MAPKAP1: variants seen among roughly 807,000 people sequenced by gnomAD.
MAPKAP1 encodes the protein target of rapamycin complex 2 subunit MAPKAP1.
In MAPKAP1, 20 loss-of-function variants were observed where a neutral mutation model predicts 65.7. That is an observed-to-expected ratio of 0.30 (90% CI 0.21 to 0.44). MAPKAP1 has a LOEUF of 0.44. MAPKAP1 is among the 20% of genes least tolerant of loss of function. The pLI, the probability that MAPKAP1 is intolerant of heterozygous loss-of-function variation, is 1.00. For missense variants in MAPKAP1, 423 were observed against 648.0 expected (o/e 0.65, Z 3.77); for synonymous variants, 222 against 244.3 (o/e 0.91, Z 0.85).
In MAPKAP1 at chr9:125,632,851, A is replaced by G. The variant is rs142615966; in HGVS notation, c.498+24800T>C. On this transcript the variant is annotated intron_variant, in intron 4 of 11. Transcript: ENST00000265960. Reference sequence around the variant, plus strand: ...CAGGTGCAAAGTCCACCTGACCACAATGTGACTGGAGAATATCTCCAGCTT... The same window carrying G: ...CAGGTGCAAAGTCCACCTGACCACAGTGTGACTGGAGAATATCTCCAGCTT... Among the ~76,000 whole-genome samples the G allele has an allele frequency of 3.2e-3, 487 of 152,332 alleles. 1 individual carries two copies. The highest frequency in any genetic ancestry group is 0.011 in the African/African-American group (464 of 41,568).
At position 125,625,436 on chromosome 9, in the gene MAPKAP1, C is replaced by T. The variant is rs969079890; in HGVS notation, c.498+32215G>A. On this transcript the variant is annotated intron_variant, in intron 4 of 11. Transcript: ENST00000265960. ...CAAAAAACAAAAAAACAAAACAAAA[C>T]AAACCAACCCTGCAGAGCAGCAGCT... 3.3e-5 allele frequency among the ~76,000 whole-genome samples: 5 copies of T among 152,022 alleles called. No individual in the cohort carries two copies. In the South Asian group the frequency reaches 6.2e-4, roughly 19 times the overall value.
intron 6 of MAPKAP1, among the ~76,000 whole-genome samples, chr9:125,550,781 A>G (rs1310592636): frequency 1.3e-5 from 2 of 152,256 alleles, no homozygotes; most frequent in Non-Finnish European, 2.9e-5. Flanking sequence ...ACACGAGGAC[A>G]ATCTGGACAA....
At chr9:125,552,270 GAAC>G (rs1446873699) in intron 6 of MAPKAP1, among the ~76,000 whole-genome samples, 7 of 152,148 alleles carry the variant, frequency 4.6e-5, no homozygotes, top group Non-Finnish European at 1.0e-4. Context: ...CTCCTTCCCT[GAAC>G]AACAACTCTA....
chr9:125,600,785 TAA>T (rs1347214239), intron 4 of MAPKAP1, among the ~76,000 whole-genome samples: 2 of 152,172 alleles, frequency 1.3e-5, no homozygotes, highest in Non-Finnish European at 2.9e-5. Context: ...TTCAAGCATG[TAA>T]AATGTCCACT....
intron 4 of MAPKAP1, among the ~76,000 whole-genome samples, chr9:125,607,640 G>A (rs1832477212): frequency 8.1e-6 from 1 of 123,124 alleles, no homozygotes; most frequent in African/African-American, 2.7e-5. Flanking sequence ...CGCTTACTTT[G>A]CTTTTATTTT....
Position 125,589,651 on chromosome 9 carries a change from G to A in MAPKAP1, c.499-3924C>T, listed in dbSNP as rs1327904515. Among the ~76,000 whole-genome samples the A allele has an allele frequency of 3.9e-5, 6 of 152,122 alleles. No homozygotes were observed. In the South Asian group the frequency reaches 1.2e-3, roughly 32 times the overall value. On this transcript the variant is annotated intron_variant, in intron 4 of 11. Coordinates refer to ENST00000265960, the MANE Select transcript of MAPKAP1 (RefSeq NM_001006617.3). Reference sequence around the variant, plus strand: ...CTGAGGTGAAAAAGGTCAGTACAGGGAAAGGAAATTATAAAGTCAGTTTAA... The same window carrying A: ...CTGAGGTGAAAAAGGTCAGTACAGGAAAAGGAAATTATAAAGTCAGTTTAA...
At chr9:125,563,923 G>T (rs745742200) in intron 5 of MAPKAP1, among the ~76,000 whole-genome samples, 14 of 152,304 alleles carry the variant, frequency 9.2e-5, no homozygotes, top group Non-Finnish European at 1.9e-4. Flanking sequence ...ATGTTGGCCA[G>T]GCTGGTCTCG....
At chr9:125,448,767 G>A (rs947519594) in intron 10 of MAPKAP1, among the ~76,000 whole-genome samples, 2 of 152,172 alleles carry the variant, frequency 1.3e-5, no homozygotes, top group Admixed American at 6.5e-5. Flanking sequence ...CACTTTGGGA[G>A]GCCAAGGTGG....
chr9:125,557,136 C>A (rs1830759133), intron 6 of MAPKAP1, among the ~76,000 whole-genome samples: 1 of 152,172 alleles, frequency 6.6e-6, no homozygotes, highest in African/African-American at 2.4e-5. Context: ...TTACTCTCTG[C>A]CTTCCCCCTC....
intron 7 of MAPKAP1, among the ~76,000 whole-genome samples, chr9:125,519,094 C>G (rs1267071237): frequency 2.0e-5 from 3 of 152,140 alleles, no homozygotes; most frequent in Admixed American, 2.0e-4. Context: ...AAGACTGTGG[C>G]CCCTGGAACC....
chr9:125,541,570 A>G (rs1830249126), intron 7 of MAPKAP1, among the ~76,000 whole-genome samples: 1 of 152,232 alleles, frequency 6.6e-6, no homozygotes, highest in South Asian at 2.1e-4. Context: ...TTTAAAAGCT[A>G]TTAGATTGGC....
intron 6 of MAPKAP1, among the ~76,000 whole-genome samples, chr9:125,547,332 G>A (rs937872650): frequency 2.0e-5 from 3 of 152,160 alleles, no homozygotes. Flanking sequence ...CAAGTTGGAA[G>A]GCAGCATACT....
intron 10 of MAPKAP1, among the ~76,000 whole-genome samples, chr9:125,459,215 T>G (rs1401076399): frequency 2.4e-5 from 3 of 122,996 alleles, no homozygotes; most frequent in Non-Finnish European, 3.4e-5. Context: ...TCTCAGACGA[T>G]GGGCGGCGGG....
chr9:125,597,936 G>T (rs1832187282), intron 4 of MAPKAP1, among the ~76,000 whole-genome samples: 2 of 152,064 alleles, frequency 1.3e-5, no homozygotes, highest in South Asian at 4.1e-4. Context: ...TGGTACAGGG[G>T]TCTCAAATGA....
intron 9 of MAPKAP1, among the ~76,000 whole-genome samples, chr9:125,477,212 T>C (rs1020578283): frequency 2.0e-5 from 3 of 152,178 alleles, no homozygotes; most frequent in Non-Finnish European, 4.4e-5. Flanking sequence ...GCGATGCTGA[T>C]AGGATGGAAT....
At chr9:125,480,670 T>G (rs1372523269) in intron 9 of MAPKAP1, among the ~76,000 whole-genome samples, 1 of 152,190 alleles carries the variant, frequency 6.6e-6, no homozygotes, top group Non-Finnish European at 1.5e-5. Context: ...GATAAGCTAC[T>G]GCTTAGAATA....
chr9:125,483,594 A>C (rs1399472345), intron 9 of MAPKAP1, among the ~76,000 whole-genome samples: 2 of 152,212 alleles, frequency 1.3e-5, no homozygotes. Context: ...GCCTGGCATC[A>C]CTACCCATTC....
chr9:125,482,711 T>C (rs1854363015), intron 9 of MAPKAP1, among the ~76,000 whole-genome samples: 1 of 152,216 alleles, frequency 6.6e-6, no homozygotes, highest in Admixed American at 6.5e-5. Flanking sequence ...TTTTGTTATA[T>C]GTCATTTCAC....
intron 8 of MAPKAP1, among the ~76,000 whole-genome samples, chr9:125,490,854 C>T (rs1194036175): frequency 6.6e-6 from 1 of 151,930 alleles, no homozygotes; most frequent in Non-Finnish European, 1.5e-5. Context: ...AATTTTAGGC[C>T]TGGCTAGGTG....
Sources: allele counts gnomAD v4.1 joint callset (sites outside exome capture counted in the v4.1 genomes callset), GRCh38; gene constraint gnomAD v4.1.1; transcripts MANE v1.5; gene names NCBI Gene and HGNC (gene_info 2026-07-23, HGNC 2026-07-21).